RPS6KA5: variants seen among roughly 807,000 people sequenced by gnomAD.
RPS6KA5 encodes the protein ribosomal protein S6 kinase alpha-5.
Under a neutral mutation model 85.5 loss-of-function variants are expected in RPS6KA5, and 27 were observed. The ratio of observed to expected loss-of-function variants is 0.32; its 90% CI spans 0.23 to 0.44. RPS6KA5 has a LOEUF of 0.44. Among genes scored for constraint, RPS6KA5 ranks in the 20% least tolerant of loss-of-function variants. The pLI, the probability that RPS6KA5 is intolerant of heterozygous loss-of-function variation, is 1.00. For synonymous variants in RPS6KA5, 334 were observed against 348.2 expected (o/e 0.96, Z 0.46); for missense variants, 811 against 980.9 (o/e 0.83, Z 2.31).
At chr14:91,029,641 G>A (rs1164196458) in intron 1 of RPS6KA5, among the ~76,000 whole-genome samples, 2 of 152,102 alleles carry the variant, frequency 1.3e-5, no homozygotes, top group African/African-American at 4.8e-5. Flanking sequence ...AAATAAGACT[G>A]CTAATGGTAC....
rs71117388 is a variant in RPS6KA5, at chr14:90,917,733, C to CT, written c.806+2472dup. Among the ~76,000 whole-genome samples the CT allele has an allele frequency of 4.8e-3, 727 of 151,230 alleles. 7 individuals are homozygous for CT. Among genetic ancestry groups the CT allele is most frequent in the African/African-American group, 0.017 (685 of 41,324 alleles). The stretch of plus-strand genomic sequence containing the variant: ...TTGCAAGAGTATAAACAAATCATTC[C>CT]TTTTTTTTAAAAGAGATAGGGTCTT... On this transcript the variant is annotated intron_variant, in intron 7 of 16. Transcript: ENST00000614987.
At chr14:90,963,824 T>G (rs1186071002) in intron 3 of RPS6KA5, among the ~76,000 whole-genome samples, 1 of 152,174 alleles carries the variant, frequency 6.6e-6, no homozygotes, top group Non-Finnish European at 1.5e-5. Context: ...GCCAAGTTAC[T>G]ACTTAAGTGA....
intron 1 of RPS6KA5, among the ~76,000 whole-genome samples, chr14:91,045,513 C>T (rs1431193135): frequency 1.3e-5 from 2 of 152,210 alleles, no homozygotes; most frequent in Non-Finnish European, 2.9e-5. Flanking sequence ...ATCTGCCTGC[C>T]TTGGCCTCCC....
At chr14:91,016,305 G>A (rs920101534) in intron 1 of RPS6KA5, among the ~76,000 whole-genome samples, 2 of 151,778 alleles carry the variant, frequency 1.3e-5, no homozygotes, top group African/African-American at 4.8e-5. Context: ...TGAACTCCTG[G>A]GCTCAAGAGA....
intron 14 of RPS6KA5, among the ~76,000 whole-genome samples, chr14:90,883,339 C>T (rs2033979082): frequency 6.6e-6 from 1 of 151,852 alleles, no homozygotes. Flanking sequence ...TCTCTCTGTT[C>T]CTCACACTCA....
At chr14:90,963,269 A>G (rs1240997370) in intron 3 of RPS6KA5, among the ~76,000 whole-genome samples, 1 of 152,222 alleles carries the variant, frequency 6.6e-6, no homozygotes, top group African/African-American at 2.4e-5. Context: ...TCACTACGAC[A>G]TCTCAGGAAG....
intron 1 of RPS6KA5, among the ~76,000 whole-genome samples, chr14:91,051,103 G>C (rs894067745): frequency 6.6e-6 from 1 of 151,948 alleles, no homozygotes; most frequent in Non-Finnish European, 1.5e-5. Context: ...GCGGTGTGTG[G>C]TGGCACACAC....
Position 91,031,420 on chromosome 14 carries a change from G to T in RPS6KA5, c.103+28912C>A, listed in dbSNP as rs558098473. ...AAAAGAGGACAGCCATTGGATCCAG[G>T]AAACAGGATTAAGCACATAATTCCC... On this transcript the variant is annotated intron_variant, in intron 1 of 16. Transcript: ENST00000614987. 2.7e-3 allele frequency among the ~76,000 whole-genome samples: 415 copies of T among 152,284 alleles called. 3 individuals are homozygous for T. The highest frequency in any genetic ancestry group is 4.7e-3 in the Non-Finnish European group (321 of 68,034).
intron 3 of RPS6KA5, among the ~76,000 whole-genome samples, chr14:90,971,137 TGAAACCCTGTCCCTACTAAAAATACA>T (rs1326040422): frequency 2.6e-5 from 4 of 151,956 alleles, no homozygotes; most frequent in Non-Finnish European, 5.9e-5. Flanking sequence ...GCCAGCATGG[TGAAACCCTGTCCCTACTAAAAATACA>T]GAAATTAGCC....
At chr14:90,996,838 T>C (rs964991039) in intron 2 of RPS6KA5, among the ~76,000 whole-genome samples, 4 of 152,192 alleles carry the variant, frequency 2.6e-5, no homozygotes, top group African/African-American at 7.2e-5. Flanking sequence ...CCTTATTATA[T>C]GGAATAAGTA....
At chr14:90,893,413 C>T (rs1018332028) in intron 13 of RPS6KA5, among the ~76,000 whole-genome samples, 7 of 151,962 alleles carry the variant, frequency 4.6e-5, no homozygotes, top group African/African-American at 1.7e-4. Flanking sequence ...AGGAATAAAC[C>T]AAATATATTT....
chr14:90,900,997 C>G (rs1170727171), intron 9 of RPS6KA5, among the ~76,000 whole-genome samples: 3 of 152,176 alleles, frequency 2.0e-5, no homozygotes, highest in East Asian at 3.8e-4. Flanking sequence ...CTTCCCTATT[C>G]CACCCCCAAA....
rs201268203 is a variant in RPS6KA5 at position 91,044,017 on chromosome 14, A to C, written c.103+16315T>G. ...CAAGGAGGGTGGATCACCTGAGGTC[A>C]GGAGTTCAAGATCAGCCTGGCCAAT... On this transcript the variant is annotated intron_variant, in intron 1 of 16. Coordinates refer to ENST00000614987, the MANE Select transcript of RPS6KA5 (RefSeq NM_004755.4). Among the ~76,000 whole-genome samples the C allele has an allele frequency of 4.6e-5, 7 of 152,170 alleles. No individual in the cohort carries two copies. In the East Asian group the frequency reaches 7.8e-4, roughly 17 times the overall value.
intron 15 of RPS6KA5, among the ~76,000 whole-genome samples, chr14:90,874,344 G>A (rs1595095781): frequency 6.6e-6 from 1 of 152,322 alleles, no homozygotes; most frequent in South Asian, 2.1e-4. Flanking sequence ...GGGCATCCTG[G>A]AAGGCTTCTA....
rs1156472141 is a variant in RPS6KA5, at chr14:90,854,321, C to T, written c.*17753G>A. On this transcript the variant is annotated 3_prime_UTR_variant, in exon 17 of 17. Transcript: ENST00000614987. ...AACTTACTGTAGCCATTATAATCTGCTAACGTTTGAAAAACTTAACATGAA... is the reference window on the plus strand; with the variant it reads ...AACTTACTGTAGCCATTATAATCTGTTAACGTTTGAAAAACTTAACATGAA... 1 of 152,040 alleles carries T rather than the reference C, an allele frequency of 6.6e-6. No individual in the cohort carries two copies. Among genetic ancestry groups the T allele is most frequent in the African/African-American group, 2.4e-5 (1 of 41,392 alleles). The allele number at this position is 152,040 out of a possible 1,614,324, so 9.4% of individuals were successfully genotyped here. A position where few individuals can be genotyped will look rare whatever the true frequency, so the allele number is the denominator to read the frequency against.
chr14:90,990,189 C>G, intron 2 of RPS6KA5, among the ~76,000 whole-genome samples: 1 of 152,084 alleles, frequency 6.6e-6, no homozygotes, highest in Non-Finnish European at 1.5e-5. Context: ...AAGCAAAAAA[C>G]AAACGATCCC....
intron 6 of RPS6KA5, among the ~76,000 whole-genome samples, chr14:90,922,025 A>C (rs2036424450): frequency 6.6e-6 from 1 of 152,204 alleles, no homozygotes; most frequent in Non-Finnish European, 1.5e-5. Flanking sequence ...GCAAGAGAGG[A>C]GGCCAAAAAA....
At chr14:90,885,538 G>A (rs1692253054) in intron 14 of RPS6KA5, among the ~76,000 whole-genome samples, 1 of 91,740 alleles carries the variant, frequency 1.1e-5, no homozygotes, top group Non-Finnish European at 2.0e-5. Flanking sequence ...GGGCGACAGA[G>A]CGAGACTCCG....
rs140369286 is a variant in RPS6KA5, at chr14:91,024,066, T to G, written c.104-22907A>C. On this transcript the variant is annotated intron_variant, in intron 1 of 16. Coordinates refer to ENST00000614987, the MANE Select transcript of RPS6KA5 (RefSeq NM_004755.4). ...CCTGTTCTCCATTTCAGCCACTTTT[T>G]CTCTGACATTTTTTCTTTCTGTATT... Among the ~76,000 whole-genome samples, 6 of 152,338 alleles carry G rather than the reference T, an allele frequency of 3.9e-5. 1 individual carries two copies. In the East Asian group the frequency reaches 1.2e-3, roughly 29 times the overall value.
Sources: allele counts gnomAD v4.1 joint callset (sites outside exome capture counted in the v4.1 genomes callset), GRCh38; gene constraint gnomAD v4.1.1; transcripts MANE v1.5; gene names NCBI Gene and HGNC (gene_info 2026-07-23, HGNC 2026-07-21).